PSMA1: variants seen among roughly 807,000 people sequenced by gnomAD.
PSMA1 encodes the protein proteasome subunit alpha type-1.
Under a neutral mutation model 38.4 loss-of-function variants are expected in PSMA1, and 3 were observed. That is an observed-to-expected ratio of 0.08 (90% CI 0.04 to 0.20). The LOEUF (loss-of-function observed/expected upper bound fraction) is 0.20. Among genes scored for constraint, PSMA1 ranks in the 10% least tolerant of loss-of-function variants. The pLI, the probability that PSMA1 is intolerant of heterozygous loss-of-function variation, is 1.00. For synonymous variants in PSMA1, 101 were observed against 107.1 expected (o/e 0.94, Z 0.35); for missense variants, 227 against 325.3 (o/e 0.70, Z 2.32).
At chr11:14,506,856 C>A (rs1851252300) in intron 9 of PSMA1, among the ~76,000 whole-genome samples, 1 of 152,174 alleles carries the variant, frequency 6.6e-6, no homozygotes, top group Non-Finnish European at 1.5e-5. Flanking sequence ...GAAGAAGCGG[C>A]CCTGAAACTA....
At chr11:14,506,227 T>C (rs899294176) in intron 9 of PSMA1, among the ~76,000 whole-genome samples, 3 of 152,186 alleles carry the variant, frequency 2.0e-5, no homozygotes, top group Non-Finnish European at 4.4e-5. Context: ...CTAAATATCA[T>C]TGAACAATTC....
intron 2 of PSMA1, among the ~76,000 whole-genome samples, chr11:14,527,322 A>G (rs1013305795): frequency 1.3e-5 from 2 of 152,012 alleles, no homozygotes; most frequent in African/African-American, 2.4e-5. Context: ...CCACCTATCA[A>G]TCTCTTCCCA....
At chr11:14,568,742 T>C (rs776062328) in intron 2 of PSMA1, among the ~76,000 whole-genome samples, 4 of 152,248 alleles carry the variant, frequency 2.6e-5, no homozygotes, top group Non-Finnish European at 4.4e-5. Context: ...GCTCTTAGTG[T>C]CTTGGCTAGT....
chr11:14,519,999 A>G, intron 1 of PSMA1: 1 of 538,652 alleles, frequency 1.9e-6, no homozygotes, highest in Non-Finnish European at 3.4e-6. Flanking sequence ...GCTATTCTGG[A>G]CCGCTCAGAA....
At chr11:14,561,849 CTAAACT>C (rs1565045232) in intron 2 of PSMA1, among the ~76,000 whole-genome samples, 2 of 151,198 alleles carry the variant, frequency 1.3e-5, no homozygotes, top group Non-Finnish European at 3.0e-5. Context: ...CTAAACTAAA[CTAAACT>C]AAACTAAACT....
At chr11:14,532,375 C>T (rs947533954) in intron 2 of PSMA1, among the ~76,000 whole-genome samples, 12 of 152,142 alleles carry the variant, frequency 7.9e-5, no homozygotes, top group Admixed American at 3.3e-4. Flanking sequence ...GAGGCCAAGG[C>T]GGGCAGATCT....
intron 8 of PSMA1, among the ~76,000 whole-genome samples, chr11:14,510,648 T>C (rs1029136286): frequency 1.3e-5 from 2 of 152,194 alleles, no homozygotes. Context: ...CTGAAAATAA[T>C]GAAGGACATT....
At chr11:14,573,746 T>C (rs1852177816) in intron 2 of PSMA1, among the ~76,000 whole-genome samples, 1 of 152,176 alleles carries the variant, frequency 6.6e-6, no homozygotes, top group African/African-American at 2.4e-5. Context: ...GATGACATGA[T>C]TGTATATCCA....
chr11:14,582,820 T>C (rs907227048), intron 2 of PSMA1, among the ~76,000 whole-genome samples: 3 of 152,208 alleles, frequency 2.0e-5, no homozygotes, highest in African/African-American at 7.2e-5. Flanking sequence ...CGTGAGCCAC[T>C]GCTCCCAGCC....
intron 2 of PSMA1, among the ~76,000 whole-genome samples, chr11:14,574,616 C>G (rs915496917): frequency 2.0e-5 from 3 of 152,074 alleles, no homozygotes; most frequent in Non-Finnish European, 4.4e-5. Context: ...GTGGTTACCC[C>G]CATCTCCTGA....
intron 8 of PSMA1, among the ~76,000 whole-genome samples, chr11:14,508,314 C>T (rs1235867934): frequency 6.6e-6 from 1 of 152,018 alleles, no homozygotes; most frequent in Non-Finnish European, 1.5e-5. Context: ...CCACTGTATC[C>T]ACTCTTTCCT....
intron 1 of PSMA1, among the ~76,000 whole-genome samples, chr11:14,633,355 C>G (rs1853059587): frequency 6.6e-6 from 1 of 152,148 alleles, no homozygotes; most frequent in African/African-American, 2.4e-5. Flanking sequence ...TTCCTTCTAA[C>G]AGACAGGACC....
At chr11:14,611,019 A>T in exon 2 of PSMA1, 1 of 1,603,644 alleles carries the variant, frequency 6.2e-7, no homozygotes, top group Non-Finnish European at 8.5e-7. Context: ...CTAGTAGACC[A>T]ACATACAACA....
chr11:14,547,093 A>G (rs1851835682), intron 2 of PSMA1, among the ~76,000 whole-genome samples: 1 of 152,262 alleles, frequency 6.6e-6, no homozygotes, highest in Non-Finnish European at 1.5e-5. Flanking sequence ...ATACAGTAAA[A>G]TAATATTTAA....
At chr11:14,611,298 T>A (rs1852705795) in intron 1 of PSMA1, 1 of 336,126 alleles carries the variant, frequency 3.0e-6, no homozygotes, top group Admixed American at 4.8e-5. Context: ...CTAATGGATG[T>A]TCCCCACGTG....
chr11:14,642,660 T>C (rs1853229396), intron 1 of PSMA1, among the ~76,000 whole-genome samples: 1 of 152,186 alleles, frequency 6.6e-6, no homozygotes, highest in African/African-American at 2.4e-5. Context: ...AGAAATGCAG[T>C]CCGGTCATGA....
At chr11:14,520,143 G>T in intron 1 of PSMA1, 154 bp downstream of exon 1, 1 of 1,221,048 alleles carries the variant, frequency 8.2e-7, no homozygotes, top group South Asian at 1.3e-5. Flanking sequence ...GGCCAGGCCG[G>T]AGATGCTGAA....
At chr11:14,567,197 C>T (rs527588983) in intron 2 of PSMA1, among the ~76,000 whole-genome samples, 11 of 152,302 alleles carry the variant, frequency 7.2e-5, no homozygotes, top group South Asian at 2.1e-4. Context: ...TCAGTCCCAA[C>T]GCAGGGTGGC....
At chr11:14,576,973 T>C (rs544363683) in intron 2 of PSMA1, among the ~76,000 whole-genome samples, 2 of 152,324 alleles carry the variant, frequency 1.3e-5, no homozygotes, top group African/African-American at 4.8e-5. Context: ...TGTTTTGTAG[T>C]TCTCCTTGAA....
Sources: gnomAD v4.1 joint callset for allele counts (sites outside exome capture counted in the v4.1 genomes callset) on GRCh38, gnomAD v4.1.1 for gene constraint, MANE v1.5 for transcripts, NCBI Gene and HGNC (gene_info 2026-07-23, HGNC 2026-07-21) for gene names.